Variants in RBFOX1 observed in about 807,000 individuals in gnomAD.
The protein encoded by RBFOX1 is RNA binding fox-1 homolog 1, also known as RNA binding protein fox-1 homolog 1.
A neutral mutation model predicts 57.7 loss-of-function variants in RBFOX1; 8 were observed. The observed-to-expected ratio is 0.14, with a 90% CI of 0.08 to 0.25. The LOEUF is 0.25. RBFOX1 is among the 10% of genes least tolerant of loss of function. The pLI is 1.00. For synonymous variants in RBFOX1, 326 were observed against 222.4 expected, an observed-to-expected ratio of 1.47 and a Z score of -4.15; for missense variants, 611 against 548.5, an observed-to-expected ratio of 1.11 and a Z score of -1.14.
intron 3 of RBFOX1, among the ~76,000 whole-genome samples, chr16:5,680,450 C>A (rs2151435077): frequency 6.6e-6 from 1 of 152,276 alleles, no homozygotes; most frequent in East Asian, 1.9e-4. Context: ...CACTGTATAC[C>A]TGGAATTGCT....
At chr16:7,159,737 A>C (rs558583999) in intron 4 of RBFOX1, among the ~76,000 whole-genome samples, 69 of 152,294 alleles carry the variant, frequency 4.5e-4, no homozygotes, top group African/African-American at 1.6e-3. Context: ...GCCTGACAAG[A>C]CCCAGAAATT....
intron 1 of RBFOX1, among the ~76,000 whole-genome samples, chr16:5,454,584 G>A (rs547121619): frequency 6.6e-6 from 1 of 152,284 alleles, no homozygotes; most frequent in South Asian, 2.1e-4. Context: ...CCTCCTTTGA[G>A]CAAGAGGGAA....
chr16:7,206,962 C>A (rs1413462843), intron 4 of RBFOX1, among the ~76,000 whole-genome samples: 1 of 152,160 alleles, frequency 6.6e-6, no homozygotes, highest in Non-Finnish European at 1.5e-5. Flanking sequence ...ACTTACAGTG[C>A]ACAGAGCTTC....
intron 3 of RBFOX1, among the ~76,000 whole-genome samples, chr16:6,686,090 A>G (rs909183293): frequency 4.6e-5 from 7 of 152,148 alleles, no homozygotes; most frequent in African/African-American, 1.7e-4. Flanking sequence ...GCACTGCATT[A>G]TTTCATTTCA....
chr16:6,441,351 G>C (rs924054367), intron 2 of RBFOX1, among the ~76,000 whole-genome samples: 10 of 152,150 alleles, frequency 6.6e-5, no homozygotes, highest in African/African-American at 2.4e-4. Context: ...TCCTCTGCTA[G>C]ATTCTTTCTC....
intron 3 of RBFOX1, among the ~76,000 whole-genome samples, chr16:5,788,220 G>A (rs2054574467): frequency 2.0e-5 from 3 of 152,172 alleles, no homozygotes; most frequent in African/African-American, 7.2e-5. Context: ...ATTTACCCTG[G>A]ATGGAGAGAA....
At chr16:7,094,061 ATC>A in intron 4 of RBFOX1, among the ~76,000 whole-genome samples, 1 of 150,556 alleles carries the variant, frequency 6.6e-6, no homozygotes, top group Admixed American at 6.7e-5. Context: ...GTGCCAGAGG[ATC>A]AGAGCAAAAC....
intron 5 of RBFOX1, among the ~76,000 whole-genome samples, chr16:7,552,910 C>T (rs1601651478): frequency 6.6e-6 from 1 of 151,708 alleles, no homozygotes; most frequent in East Asian, 2.0e-4. Context: ...CTCAAACTGC[C>T]GACCTCAGGT....
At chr16:6,017,593 C>G (rs2095003341), upstream of RBFOX1, among the ~76,000 whole-genome samples, 1 of 152,114 alleles carries the variant, frequency 6.6e-6, no homozygotes, top group African/African-American at 2.4e-5. Context: ...AAAATCAACC[C>G]AAATTGCAAA....
chr16:5,547,516 A>G (rs372710202), intron 2 of RBFOX1, among the ~76,000 whole-genome samples: 2 of 152,210 alleles, frequency 1.3e-5, no homozygotes, highest in Middle Eastern at 3.2e-3. Flanking sequence ...AAAAGATTAC[A>G]TACTATATAA....
intron 3 of RBFOX1, among the ~76,000 whole-genome samples, chr16:6,967,085 A>G (rs1459701534): frequency 1.3e-5 from 2 of 152,062 alleles, no homozygotes; most frequent in African/African-American, 2.4e-5. Context: ...TCATCCACCC[A>G]TCATTCTATT....
intron 2 of RBFOX1, among the ~76,000 whole-genome samples, chr16:6,555,672 C>T (rs1355963015): frequency 6.6e-6 from 1 of 151,992 alleles, no homozygotes; most frequent in East Asian, 1.9e-4. Flanking sequence ...TGCACTCCAG[C>T]CTGGGCGACA....
intron 4 of RBFOX1, among the ~76,000 whole-genome samples, chr16:7,379,368 G>A (rs2097746493): frequency 6.6e-6 from 1 of 152,148 alleles, no homozygotes; most frequent in African/African-American, 2.4e-5. Flanking sequence ...AAATACTTCA[G>A]TAATAGCCTA....
At chr16:7,200,770 C>T (rs770085310) in intron 4 of RBFOX1, among the ~76,000 whole-genome samples, 3 of 152,132 alleles carry the variant, frequency 2.0e-5, no homozygotes, top group Non-Finnish European at 4.4e-5. Context: ...GACATGCATC[C>T]TGGGAAAAGC....
chr16:6,914,465 C>T (rs1444798238), intron 3 of RBFOX1, among the ~76,000 whole-genome samples: 1 of 152,014 alleles, frequency 6.6e-6, no homozygotes, highest in Non-Finnish European at 1.5e-5. Context: ...AATAAGAACA[C>T]AGACCTAGGT....
chr16:6,109,335 T>C (rs1413908989), intron 1 of RBFOX1, among the ~76,000 whole-genome samples: 1 of 152,220 alleles, frequency 6.6e-6, no homozygotes, highest in African/African-American at 2.4e-5. Context: ...CAGGTTTAGC[T>C]TCTGTGTCAA....
chr16:5,688,046 T>C (rs893364142), intron 3 of RBFOX1, among the ~76,000 whole-genome samples: 1 of 152,208 alleles, frequency 6.6e-6, no homozygotes, highest in Non-Finnish European at 1.5e-5. Flanking sequence ...CAAAATTTGA[T>C]CCAACCAGGT....
chr16:6,972,639 A>G (rs2085838962), intron 3 of RBFOX1, among the ~76,000 whole-genome samples: 1 of 151,994 alleles, frequency 6.6e-6, no homozygotes, highest in Non-Finnish European at 1.5e-5. Context: ...CAAGCAGAAA[A>G]TTTCAAGAGC....
chr16:6,311,966 C>T (rs573577406), intron 1 of RBFOX1, among the ~76,000 whole-genome samples: 18 of 152,272 alleles, frequency 1.2e-4, no homozygotes, highest in South Asian at 2.1e-4. Flanking sequence ...GACAGTTAAA[C>T]GCCAGACACC....
Sources: gnomAD v4.1 joint callset for allele counts (sites outside exome capture counted in the v4.1 genomes callset) on GRCh38, gnomAD v4.1.1 for gene constraint, MANE v1.5 for transcripts, NCBI Gene and HGNC (gene_info 2026-07-23, HGNC 2026-07-21) for gene names.